The following NLRC5 variants were observed in gnomAD, a reference collection of about 807,000 sequenced individuals.
The protein encoded by NLRC5 is protein NLRC5.
NLRC5 carries 114 observed loss-of-function variants against 206.9 expected under a neutral mutation model. That is an observed-to-expected ratio of 0.55 (90% CI 0.47 to 0.64). The LOEUF (loss-of-function observed/expected upper bound fraction) is 0.64, where lower values mean the gene tolerates loss of function less well. Ranked by LOEUF, NLRC5 falls within the 30% of genes least tolerant of loss-of-function variation. The pLI, the probability that NLRC5 is intolerant of heterozygous loss-of-function variation, is 0.00. For synonymous variants in NLRC5, 952 were observed against 962.8 expected, an observed-to-expected ratio of 0.99 and a Z score of 0.21; for missense variants, 2,008 against 2,305.5, an observed-to-expected ratio of 0.87 and a Z score of 2.64.
chr16:57,051,686 C>A, intron 24 of NLRC5, 65 bp downstream of exon 24: 1 of 1,312,906 alleles, frequency 7.6e-7, no homozygotes, highest in Non-Finnish European at 1.1e-6. Flanking sequence ...TCCTCCATGG[C>A]AAAGCTGTAC....
chr16:57,021,038 C>T (rs1238146240), intron 3 of NLRC5, 31 bp downstream of exon 3: 2 of 1,602,634 alleles, frequency 1.2e-6, no homozygotes, highest in African/African-American at 2.7e-5. Flanking sequence ...CGCAAAGCAG[C>T]CGGGCCAGTA....
At chr16:57,021,068 G>T in intron 3 of NLRC5, 61 bp downstream of exon 3, 2 of 1,530,834 alleles carry the variant, frequency 1.3e-6, no homozygotes, top group South Asian at 1.2e-5. Context: ...TGGGGAGCCG[G>T]GAGGAGCCCA....
chr16:57,037,758 C>T (rs1183448055), intron 15 of NLRC5, among the ~76,000 whole-genome samples: 1 of 152,196 alleles, frequency 6.6e-6, no homozygotes, highest in Non-Finnish European at 1.5e-5. Context: ...CCAGGCTCTG[C>T]CACTAGGGAA....
Position 57,047,542 on chromosome 16 carries a change from C to CTTG in NLRC5, c.3339-3_3339-2insTTG, listed in dbSNP as rs2064163936. On this transcript the variant is annotated splice_polypyrimidine_tract_variant and splice_region_variant and intron_variant, in intron 22 of 48. Coordinates refer to ENST00000688547, the MANE Select transcript of NLRC5 (RefSeq NM_001384950.1). Reference sequence around the variant, plus strand: ...CCCTGCCCTGCCCATTGCCCCTTTGCAGCCTCAGTGAGTGTCCTCTGGAGC... The same window carrying CTTG: ...CCCTGCCCTGCCCATTGCCCCTTTGCTTGAGCCTCAGTGAGTGTCCTCTGGAGC... 6.2e-7 allele frequency: 1 copy of CTTG among 1,610,810 alleles called. No individual in the cohort carries two copies. The highest frequency in any genetic ancestry group is 8.5e-7 in the Non-Finnish European group (1 of 1,178,674).
intron 28 of NLRC5, 116 bp from the exon 29 acceptor site, chr16:57,058,856 A>G: frequency 3.5e-6 from 3 of 865,662 alleles, no homozygotes; most frequent in Non-Finnish European, 3.9e-6. Flanking sequence ...ATAGATGCTT[A>G]GACATGGAGG....
Position 57,082,433 on chromosome 16 carries a change from A to G in NLRC5, c.5506A>G (p.Ile1836Val), listed in dbSNP as rs1467606741. The G allele has an allele frequency of 6.2e-7, 1 of 1,613,224 alleles. No individual in the cohort carries two copies. The highest frequency in any genetic ancestry group is 1.3e-5 in the African/African-American group (1 of 75,044). Reference sequence around the variant, plus strand: ...GCCCCACAGCCTCTGGAATAACCCCATTCCCTGCGACATGGCCCAGCACCT... The same window carrying G: ...GCCCCACAGCCTCTGGAATAACCCCGTTCCCTGCGACATGGCCCAGCACCT... ...IQVIRLWNNP[I>V]PCDMAQHLKS... Residue 1836 changes from isoleucine to valine, a missense_variant, in exon 49 of 49, where the codon ATT becomes GTT. By Grantham distance (29) the Ile-to-Val change is conservative. Coordinates refer to ENST00000688547, the MANE Select transcript of NLRC5 (RefSeq NM_001384950.1).
At chr16:57,037,951 G>C (rs1678810865) in intron 15 of NLRC5, among the ~76,000 whole-genome samples, 1 of 152,142 alleles carries the variant, frequency 6.6e-6, no homozygotes, top group Non-Finnish European at 1.5e-5. Context: ...TAGATTAGGG[G>C]ACCTTGGTTC....
chr16:56,994,840 A>G (rs1245575001), intron 1 of NLRC5, among the ~76,000 whole-genome samples: 1 of 152,168 alleles, frequency 6.6e-6, no homozygotes, highest in Non-Finnish European at 1.5e-5. Context: ...GCTCATTGTG[A>G]ATGACATTTT....
intron 38 of NLRC5, 80 bp from the exon 39 acceptor site, chr16:57,074,520 A>C: frequency 8.0e-7 from 1 of 1,245,392 alleles, no homozygotes; most frequent in Non-Finnish European, 1.2e-6. Flanking sequence ...TAGGCTTGCT[A>C]AGCACAGAGG....
intron 48 of NLRC5, 87 bp from the exon 49 acceptor site, chr16:57,082,330 C>A (rs1372966310): frequency 1.9e-6 from 2 of 1,062,862 alleles, no homozygotes; most frequent in Admixed American, 1.9e-5. Context: ...ACAGCTCTAC[C>A]TTTTTGGGCC....
At chr16:57,066,799 C>T (rs559572888) in intron 34 of NLRC5, among the ~76,000 whole-genome samples, 185 bp downstream of exon 34, 2 of 152,354 alleles carry the variant, frequency 1.3e-5, no homozygotes, top group Non-Finnish European at 2.9e-5. Context: ...CCAGTCTCAG[C>T]TCCAGTCACC....
In NLRC5 at chr16:57,067,790, G is replaced by A; in HGVS notation, c.4461G>A (p.Gln1487=). Residue 1487 remains glutamine (Q), a synonymous_variant, in exon 36 of 49, where the codon CAG becomes CAA. Coordinates refer to ENST00000688547, the MANE Select transcript of NLRC5 (RefSeq NM_001384950.1). Reference sequence around the variant, plus strand: ...ATGATGCCAGTTCCCTGCTGCTGCAGAGCCTCCTGCTGTCCCTCTCTGAGC... The same window carrying A: ...ATGATGCCAGTTCCCTGCTGCTGCAAAGCCTCCTGCTGTCCCTCTCTGAGC... ...EDDDASSLLL[Q]SLLLSLSELK... 6.2e-7 allele frequency: 1 copy of A among 1,614,196 alleles called. No individual in the cohort carries two copies. Among genetic ancestry groups the A allele is most frequent in the South Asian group, 1.1e-5 (1 of 91,084 alleles).
At chr16:57,080,339 C>G (rs1198702738) in intron 46 of NLRC5, among the ~76,000 whole-genome samples, 1 of 152,112 alleles carries the variant, frequency 6.6e-6, no homozygotes, top group Non-Finnish European at 1.5e-5. Flanking sequence ...GGGTTAAAAA[C>G]CCAACATCTT....
intron 23 of NLRC5, among the ~76,000 whole-genome samples, chr16:57,048,710 T>C (rs1314502723): frequency 6.6e-6 from 1 of 152,114 alleles, no homozygotes; most frequent in African/African-American, 2.4e-5. Context: ...ATTTTTGTAT[T>C]TTTAGTAGAG....
Position 57,082,565 on chromosome 16 carries a change from T to G in NLRC5, c.*37T>G. On this transcript the variant is annotated 3_prime_UTR_variant, in exon 49 of 49. Transcript: ENST00000688547. ...AGACCTTTGGAATCCAGCCAAGTGA[T>G]GCACCCAAATGATCCACCTTTCGCC... 2 of 1,445,312 alleles carry G rather than the reference T, an allele frequency of 1.4e-6. No homozygotes were observed. Among genetic ancestry groups the G allele is most frequent in the Non-Finnish European group, 1.9e-6 (2 of 1,031,816 alleles). 89.5% of individuals were successfully genotyped at this position (1,445,312 alleles called of 1,614,324 possible). A position where few individuals can be genotyped will look rare whatever the true frequency, so the allele number is the denominator to read the frequency against.
At chr16:57,029,897 CTA>C (rs1265251246) in intron 9 of NLRC5, 41 bp downstream of exon 9, 1 of 1,609,208 alleles carries the variant, frequency 6.2e-7, no homozygotes, top group Middle Eastern at 1.7e-4. Flanking sequence ...CAGTCCCTCT[CTA>C]TACCTGATTC....
At chr16:57,039,709 C>T (rs1276344746) in intron 15 of NLRC5, 72 bp from the exon 16 acceptor site, 4 of 1,395,230 alleles carry the variant, frequency 2.9e-6, no homozygotes, top group Non-Finnish European at 4.1e-6. Context: ...AGACTGAGAC[C>T]TTCTCTCAAA....
At chr16:57,040,504 G>C in intron 16 of NLRC5, 146 bp from the exon 17 acceptor site, 1 of 697,898 alleles carries the variant, frequency 1.4e-6, no homozygotes, top group East Asian at 2.6e-5. Flanking sequence ...CACACAACCA[G>C]GAAGTGGAGA....
At position 57,035,673 on chromosome 16, in the gene NLRC5, G is replaced by T. The variant is rs945332996; in HGVS notation, c.2628-427G>T. ...TAAGCCATCCCCGACTCCCAGACTAGGTCAGATGCCCCCATAATCATGAAG... is the reference window on the plus strand; with the variant it reads ...TAAGCCATCCCCGACTCCCAGACTATGTCAGATGCCCCCATAATCATGAAG... On this transcript the variant is annotated intron_variant, in intron 13 of 48. Coordinates refer to ENST00000688547, the MANE Select transcript of NLRC5 (RefSeq NM_001384950.1). Among the ~76,000 whole-genome samples, 4 of 152,278 alleles carry T rather than the reference G, an allele frequency of 2.6e-5. No homozygotes were observed. The South Asian group carries it at 6.2e-4, about 24-fold the overall frequency.
Sources: allele counts gnomAD v4.1 joint callset (sites outside exome capture counted in the v4.1 genomes callset), GRCh38; gene constraint gnomAD v4.1.1; transcripts MANE v1.5; gene names NCBI Gene and HGNC (gene_info 2026-07-23, HGNC 2026-07-21).